TSHZ2: variants seen among roughly 807,000 people sequenced by gnomAD.
The protein encoded by TSHZ2 is teashirt zinc finger homeobox 2, also known as teashirt homolog 2.
In TSHZ2, 21 loss-of-function variants were observed where a neutral mutation model predicts 74.4. The ratio of observed to expected loss-of-function variants is 0.28; its 90% CI spans 0.20 to 0.41. The LOEUF (loss-of-function observed/expected upper bound fraction) is 0.41, where lower values mean the gene tolerates loss of function less well. Among genes scored for constraint, TSHZ2 ranks in the 10% least tolerant of loss-of-function variants. The pLI is 1.00. For missense variants in TSHZ2, 1,244 were observed against 1,293.5 expected (o/e 0.96, Z 0.59); for synonymous variants, 540 against 515.3 (o/e 1.05, Z -0.65).
intron 2 of TSHZ2, among the ~76,000 whole-genome samples, chr20:53,265,550 C>G (rs1185650976): frequency 6.6e-6 from 1 of 152,184 alleles, no homozygotes; most frequent in African/African-American, 2.4e-5. Flanking sequence ...CCTCTGTGAG[C>G]TGGACTTTCT....
intron 1 of TSHZ2, among the ~76,000 whole-genome samples, chr20:53,019,248 G>GTTT (rs11476165): frequency 6.7e-6 from 1 of 148,202 alleles, no homozygotes; most frequent in Admixed American, 6.7e-5. Flanking sequence ...AGTTGCCTGG[G>GTTT]TTTTTTTTTT....
chr20:53,287,961 C>A (rs1276641651), intron 2 of TSHZ2, among the ~76,000 whole-genome samples: 3 of 152,090 alleles, frequency 2.0e-5, no homozygotes, highest in Admixed American at 6.5e-5. Context: ...AGTCTTTAAT[C>A]CTCAAGCTAA....
chr20:53,310,636 T>C (rs990489146), intron 2 of TSHZ2, among the ~76,000 whole-genome samples: 1 of 152,064 alleles, frequency 6.6e-6, no homozygotes, highest in African/African-American at 2.4e-5. Context: ...CTTTCAGCTC[T>C]AGGATTGAGG....
At chr20:53,421,335 C>A in intron 2 of TSHZ2, 1 of 166,694 alleles carries the variant, frequency 6.0e-6, no homozygotes. Context: ...GTGCTCCTGC[C>A]TTTGCAGAAT....
chr20:53,089,078 C>T (rs1985791299), intron 1 of TSHZ2, among the ~76,000 whole-genome samples: 1 of 151,970 alleles, frequency 6.6e-6, no homozygotes, highest in African/African-American at 2.4e-5. Flanking sequence ...GCCCCTGGCG[C>T]TCCGCAATCC....
chr20:53,259,685 A>G (rs1990562386), intron 2 of TSHZ2, among the ~76,000 whole-genome samples: 1 of 152,228 alleles, frequency 6.6e-6, no homozygotes, highest in African/African-American at 2.4e-5. Flanking sequence ...ATTCAGGGTG[A>G]AAAGCGCGTA....
intron 2 of TSHZ2, among the ~76,000 whole-genome samples, chr20:53,317,638 G>A (rs2145514526): frequency 6.6e-6 from 1 of 152,286 alleles, no homozygotes; most frequent in East Asian, 1.9e-4. Flanking sequence ...TTCCAGGGCA[G>A]CAAGAATACA....
chr20:53,237,970 G>A (rs755827285), intron 1 of TSHZ2, among the ~76,000 whole-genome samples: 3 of 152,124 alleles, frequency 2.0e-5, no homozygotes, highest in Non-Finnish European at 2.9e-5. Flanking sequence ...ATATAGACTT[G>A]CTCTATGAAA....
chr20:53,350,165 A>G (rs1260115208), intron 2 of TSHZ2, among the ~76,000 whole-genome samples: 2 of 152,236 alleles, frequency 1.3e-5, no homozygotes, highest in African/African-American at 2.4e-5. Context: ...GCAAAGTCCC[A>G]CTTACTATAG....
intron 1 of TSHZ2, among the ~76,000 whole-genome samples, chr20:53,131,758 A>C (rs1258528060): frequency 6.7e-6 from 1 of 150,094 alleles, no homozygotes; most frequent in African/African-American, 2.4e-5. Context: ...TGACATCTGA[A>C]GATTTTAATT....
At chr20:53,089,106 TA>T (rs954853837) in intron 1 of TSHZ2, among the ~76,000 whole-genome samples, 3 of 151,752 alleles carry the variant, frequency 2.0e-5, no homozygotes, top group Admixed American at 2.0e-4. Context: ...TCCTTGGTGA[TA>T]CCTTTTTAAA....
intron 2 of TSHZ2, among the ~76,000 whole-genome samples, chr20:53,340,374 C>T (rs11698551): frequency 0.067 from 10,215 of 151,678 alleles, 468 homozygotes; most frequent in South Asian, 0.11. Context: ...TTAGTAGAGA[C>T]GGGGTTTCAC....
intron 1 of TSHZ2, among the ~76,000 whole-genome samples, chr20:53,158,718 C>T (rs1987856138): frequency 6.6e-6 from 1 of 152,176 alleles, no homozygotes; most frequent in Non-Finnish European, 1.5e-5. Flanking sequence ...TGTCGTGGCC[C>T]TCAAGGACCA....
chr20:53,035,867 C>A (rs970972734), intron 1 of TSHZ2, among the ~76,000 whole-genome samples: 1 of 152,154 alleles, frequency 6.6e-6, no homozygotes, highest in African/African-American at 2.4e-5. Flanking sequence ...CACATCAAAC[C>A]ATTAGCATCA....
At chr20:53,107,278 T>C (rs1250951559) in intron 1 of TSHZ2, among the ~76,000 whole-genome samples, 1 of 152,206 alleles carries the variant, frequency 6.6e-6, no homozygotes, top group Non-Finnish European at 1.5e-5. Context: ...TAATTTCTCC[T>C]CCTCAACCTG....
intron 2 of TSHZ2, among the ~76,000 whole-genome samples, chr20:53,478,515 G>GGT (rs1986050213): frequency 8.5e-6 from 1 of 117,894 alleles, no homozygotes; most frequent in Admixed American, 9.9e-5. Context: ...ACTGTTGTAG[G>GGT]GTGGGGGGAG....
intron 2 of TSHZ2, among the ~76,000 whole-genome samples, chr20:53,404,282 C>A (rs1336749867): frequency 6.6e-6 from 1 of 152,174 alleles, no homozygotes; most frequent in African/African-American, 2.4e-5. Flanking sequence ...CCTAAGATTT[C>A]TCTGGCTCCG....
At position 53,326,251 on chromosome 20, in the gene TSHZ2, C is replaced by T. The variant is rs373099778; in HGVS notation, c.*8+69680C>T. On this transcript the variant is annotated intron_variant, in intron 2 of 2. Transcript: ENST00000371497. ...GAACAATGACTTTTGTCGGATTTGT[C>T]CCCATCCATTCACATCAGCAAATAT... Among the ~76,000 whole-genome samples, 15 of 152,280 alleles carry T rather than the reference C, an allele frequency of 9.9e-5. No individual in the cohort carries two copies. In the East Asian group the frequency reaches 1.3e-3, roughly 14 times the overall value.
At chr20:53,437,913 C>T (rs1467262204) in intron 2 of TSHZ2, among the ~76,000 whole-genome samples, 3 of 152,134 alleles carry the variant, frequency 2.0e-5, no homozygotes, top group African/African-American at 7.2e-5. Context: ...GTAAAAGCTT[C>T]CTGAGGGCTG....
Sources: allele counts gnomAD v4.1 joint callset (sites outside exome capture counted in the v4.1 genomes callset), GRCh38; gene constraint gnomAD v4.1.1; transcripts MANE v1.5; gene names NCBI Gene and HGNC (gene_info 2026-07-23, HGNC 2026-07-21).